Variants in PI15 observed in about 807,000 individuals in gnomAD.
PI15 encodes the protein peptidase inhibitor 15.
A neutral mutation model predicts 31.0 loss-of-function variants in PI15; 18 were observed. The ratio of observed to expected loss-of-function variants is 0.58; its 90% CI spans 0.40 to 0.86. The LOEUF (loss-of-function observed/expected upper bound fraction) is 0.86. PI15 is among the 40% of genes least tolerant of loss of function. PI15 has a pLI of 0.00. For synonymous variants in PI15, 118 were observed against 119.1 expected (o/e 0.99, Z 0.06); for missense variants, 282 against 328.1 (o/e 0.86, Z 1.09).
chr8:74,843,965 T>A lies in PI15; in HGVS notation c.274-16T>A. The A allele has an allele frequency of 7.9e-7, 1 of 1,270,992 alleles. No individual in the cohort carries two copies. The highest frequency in any genetic ancestry group is 1.7e-5 in the Admixed American group (1 of 59,376). The allele number at this position is 1,270,992 out of a possible 1,614,324, so 78.7% of individuals were successfully genotyped here. A position where few individuals can be genotyped will look rare whatever the true frequency, so the allele number is the denominator to read the frequency against. On this transcript the variant is annotated splice_polypyrimidine_tract_variant and intron_variant, in intron 2 of 5. Transcript: ENST00000260113. ...TCAGCAAATTCCGTAACGCTGAAGA[T>A]TTTTTTCCCCTACAGGTTTGGGATG...
chr8:74,848,596 T>A (rs921303257), intron 5 of PI15, among the ~76,000 whole-genome samples: 2 of 151,490 alleles, frequency 1.3e-5, no homozygotes, highest in African/African-American at 4.8e-5. Flanking sequence ...TTGAGTGGAA[T>A]GACCCTGGTG....
chr8:74,836,723 A>G (rs1250481342), intron 2 of PI15, among the ~76,000 whole-genome samples: 1 of 152,148 alleles, frequency 6.6e-6, no homozygotes, highest in Non-Finnish European at 1.5e-5. Flanking sequence ...CAGAAAGAGT[A>G]AGTGGTCAGG....
chr8:74,840,154 C>T (rs1214324532), intron 2 of PI15, among the ~76,000 whole-genome samples: 3 of 151,984 alleles, frequency 2.0e-5, no homozygotes, highest in Non-Finnish European at 4.4e-5. Context: ...TAATTTAATA[C>T]ATTCATATAA....
Position 74,849,250 on chromosome 8 carries a change from A to G in PI15, c.774A>G (p.Lys258=), listed in dbSNP as rs536342698. Residue 258 remains lysine (K), a synonymous_variant, in exon 6 of 6, where the codon AAA becomes AAG. Transcript: ENST00000260113. ...GVTSNYLYWF[K] ...CGTCAAACTACCTGTACTGGTTTAAATAAGTTTACCTTTTCCTCCAGGAAA... is the reference window on the plus strand; with the variant it reads ...CGTCAAACTACCTGTACTGGTTTAAGTAAGTTTACCTTTTCCTCCAGGAAA... 5.0e-6 allele frequency: 8 copies of G among 1,610,514 alleles called. No homozygotes were observed. The highest frequency in any genetic ancestry group is 3.3e-5 in the Admixed American group (2 of 59,736).
rs1180487717 is a variant in PI15, at chr8:74,825,459, T to C, written c.210T>C (p.Ile70=). The change falls in exon 2 of 6, where the codon ATT becomes ATC. Residue 70 remains isoleucine, a synonymous_variant. Coordinates refer to ENST00000260113, the MANE Select transcript of PI15 (RefSeq NM_015886.5). ...RYISQNDMIA[I]LDYHNQVRGK... Reference sequence around the variant, plus strand: ...TTTCGCAGAATGACATGATCGCCATTCTTGATTATCATAATCAAGTTCGGG... The same window carrying C: ...TTTCGCAGAATGACATGATCGCCATCCTTGATTATCATAATCAAGTTCGGG... The C allele has an allele frequency of 6.2e-7, 1 of 1,613,078 alleles. No individual in the cohort carries two copies. Among genetic ancestry groups the C allele is most frequent in the Non-Finnish European group, 8.5e-7 (1 of 1,179,340 alleles).
chr8:74,827,802 T>G (rs924853331), intron 2 of PI15, among the ~76,000 whole-genome samples: 1 of 152,162 alleles, frequency 6.6e-6, no homozygotes, highest in Non-Finnish European at 1.5e-5. Context: ...ATTCTTATTA[T>G]TTTTTTGAAT....
rs145048888 is a variant in PI15, at chr8:74,845,403, C to A, written c.547C>A (p.Arg183=). Residue 183 remains arginine, a synonymous_variant, in exon 5 of 6, where the codon CGG becomes AGG. Transcript: ENST00000260113. ...ACAGATGGTTTGGGCCACTTCCAAT[C>A]GGATAGGATGCGCAATTCATACTTG... ...YTQMVWATSN[R]IGCAIHTCQN... The A allele has an allele frequency of 1.3e-4, 205 of 1,613,888 alleles. No individual in the cohort carries two copies. The highest frequency in any genetic ancestry group is 4.9e-4 in the Middle Eastern group (3 of 6,062).
At chr8:74,839,317 C>T (rs1373466685) in intron 2 of PI15, among the ~76,000 whole-genome samples, 1 of 152,060 alleles carries the variant, frequency 6.6e-6, no homozygotes, top group African/African-American at 2.4e-5. Flanking sequence ...GCTAAATCAA[C>T]CAATTTATGA....
At chr8:74,829,220 A>T (rs1810744053) in intron 2 of PI15, among the ~76,000 whole-genome samples, 1 of 152,098 alleles carries the variant, frequency 6.6e-6, no homozygotes, top group Non-Finnish European at 1.5e-5. Context: ...TAAATGTCTT[A>T]ACAGAGTTTT....
At chr8:74,836,440 T>G (rs1015747110) in intron 2 of PI15, among the ~76,000 whole-genome samples, 4 of 152,096 alleles carry the variant, frequency 2.6e-5, no homozygotes, top group Admixed American at 2.0e-4. Flanking sequence ...AGTCTGAAAT[T>G]CAACTGAGGG....
In PI15 at chr8:74,825,678, G is replaced by A. The variant is rs553762988; in HGVS notation, c.273+156G>A. Among the ~76,000 whole-genome samples, 25 of 151,894 alleles carry A rather than the reference G, an allele frequency of 1.6e-4. No individual in the cohort carries two copies. In the South Asian group the frequency reaches 4.6e-3, roughly 28 times the overall value. ...AGGTTCTTATGTGCCTAATAATGTTGAGTACTGTTGCATCACAGAATCAGA... is the reference window on the plus strand; with the variant it reads ...AGGTTCTTATGTGCCTAATAATGTTAAGTACTGTTGCATCACAGAATCAGA... On this transcript the variant is annotated intron_variant, in intron 2 of 5. Coordinates refer to ENST00000260113, the MANE Select transcript of PI15 (RefSeq NM_015886.5).
intron 5 of PI15, chr8:74,846,075 A>G (rs1811021117): frequency 6.5e-6 from 1 of 152,960 alleles, no homozygotes; most frequent in South Asian, 2.1e-4. Context: ...TCTTGATTAC[A>G]ATAACTCTTT....
At chr8:74,840,623 G>A (rs1810931403) in intron 2 of PI15, among the ~76,000 whole-genome samples, 1 of 152,132 alleles carries the variant, frequency 6.6e-6, no homozygotes, top group African/African-American at 2.4e-5. Context: ...TCCCCTTCTT[G>A]AGTAGATGCA....
intron 2 of PI15, among the ~76,000 whole-genome samples, chr8:74,830,982 C>T (rs1382274314): frequency 6.6e-6 from 1 of 152,104 alleles, no homozygotes; most frequent in Non-Finnish European, 1.5e-5. Flanking sequence ...AATGTCTTGG[C>T]TTCAGAAAGA....
At chr8:74,844,347 G>A (rs528001448) in intron 3 of PI15, among the ~76,000 whole-genome samples, 13 of 151,860 alleles carry the variant, frequency 8.6e-5, no homozygotes, top group Admixed American at 2.0e-4. Flanking sequence ...CTTTGAGCTC[G>A]CAGAATCTTA....
rs1810683747 is a variant in PI15 at position 74,825,467 on chromosome 8, A to T, written c.218A>T (p.Tyr73Phe). 6.2e-7 allele frequency: 1 copy of T among 1,613,142 alleles called. No homozygotes were observed. Among genetic ancestry groups the T allele is most frequent in the East Asian group, 2.2e-5 (1 of 44,828 alleles). The part of the protein sequence containing the change: ...SQNDMIAILD[Y>F]HNQVRGKVFP... ...AATGACATGATCGCCATTCTTGATTATCATAATCAAGTTCGGGGCAAAGTG... is the reference window on the plus strand; with the variant it reads ...AATGACATGATCGCCATTCTTGATTTTCATAATCAAGTTCGGGGCAAAGTG... The change falls in exon 2 of 6, where the codon TAT (tyrosine) becomes TTT (phenylalanine). Residue 73 changes from tyrosine (Y) to phenylalanine (F), a missense_variant. Physicochemically the swap from Tyr to Phe is conservative, Grantham distance 22. Transcript: ENST00000260113.
chr8:74,827,878 C>A (rs898343155), intron 2 of PI15, among the ~76,000 whole-genome samples: 1 of 152,106 alleles, frequency 6.6e-6, no homozygotes, highest in African/African-American at 2.4e-5. Context: ...ATAGTAGGTG[C>A]TTTCTAAATG....
intron 2 of PI15, among the ~76,000 whole-genome samples, chr8:74,843,498 C>T (rs1351497586): frequency 3.3e-5 from 5 of 152,118 alleles, no homozygotes; most frequent in Admixed American, 3.3e-4. Flanking sequence ...GAGGCCAAGG[C>T]GGGTGGATCA....
chr8:74,826,513 T>G (rs73689267), intron 2 of PI15, among the ~76,000 whole-genome samples: 1 of 152,084 alleles, frequency 6.6e-6, no homozygotes, highest in Non-Finnish European at 1.5e-5. Context: ...ACTAAAGACT[T>G]GCTAAATGAT....
Sources: gnomAD v4.1 joint callset for allele counts (sites outside exome capture counted in the v4.1 genomes callset) on GRCh38, gnomAD v4.1.1 for gene constraint, MANE v1.5 for transcripts, NCBI Gene and HGNC (gene_info 2026-07-23, HGNC 2026-07-21) for gene names.